Variants in GATC observed in about 807,000 individuals in gnomAD.
GATC encodes glutamyl-tRNA amidotransferase subunit C, also known as glutamyl-tRNA(Gln) amidotransferase subunit C, mitochondrial.
GATC carries 11 observed loss-of-function variants against 14.4 expected under a neutral mutation model. That is an observed-to-expected ratio of 0.77 (90% CI 0.48 to 1.27). The LOEUF is 1.27. Among genes scored for constraint, GATC ranks in the 50% most tolerant of loss-of-function variants. The pLI, the probability that GATC is intolerant of heterozygous loss-of-function variation, is 0.00. For synonymous variants in GATC, 76 were observed against 79.3 expected (o/e 0.96, Z 0.22); for missense variants, 204 against 183.0 (o/e 1.11, Z -0.66).
At chr12:120,447,050 G>A (rs1877890481) in intron 2 of GATC, among the ~76,000 whole-genome samples, 1 of 88,204 alleles carries the variant, frequency 1.1e-5, no homozygotes, top group African/African-American at 7.2e-5. Context: ...GCTAATCACT[G>A]CCTTTGTTTT....
intron 2 of GATC, among the ~76,000 whole-genome samples, chr12:120,452,512 C>CT (rs752151548): frequency 4.6e-5 from 7 of 152,208 alleles, no homozygotes; most frequent in Non-Finnish European, 8.8e-5. Flanking sequence ...GTCTCAGCCT[C>CT]TCAAGTAGCT....
chr12:120,454,857 C>CAA lies in GATC; in HGVS notation c.255-2205_255-2204dup, dbSNP rs544102647. 193 of 191,890 alleles carry CAA rather than the reference C, an allele frequency of 1.0e-3. 1 individual carries two copies. The highest frequency in any genetic ancestry group is 2.0e-3 in the African/African-American group (79 of 39,738). 11.9% of individuals were successfully genotyped at this position (191,890 alleles called of 1,614,324 possible). ...AAATGAATACAGTCCTTGTGTTATTCAAAAAAAAAAAAAAATCTAGTACAA... is the reference window on the plus strand; with the variant it reads ...AAATGAATACAGTCCTTGTGTTATTCAAAAAAAAAAAAAAAAATCTAGTACAA... On this transcript the variant is annotated intron_variant, in intron 2 of 3. Coordinates refer to ENST00000551765, the MANE Select transcript of GATC (RefSeq NM_176818.3).
chr12:120,455,233 A>G (rs1412714160), intron 2 of GATC, among the ~76,000 whole-genome samples: 12 of 150,340 alleles, frequency 8.0e-5, no homozygotes, highest in African/African-American at 3.0e-4. Flanking sequence ...CAGTGGTGCC[A>G]TCTCAGCTCA....
intron 2 of GATC, among the ~76,000 whole-genome samples, chr12:120,455,319 C>T (rs1320470178): frequency 6.6e-6 from 1 of 152,048 alleles, no homozygotes; most frequent in Non-Finnish European, 1.5e-5. Flanking sequence ...CACGTGCGTG[C>T]CACCACGCTT....
At chr12:120,453,166 C>T (rs925317929) in intron 2 of GATC, among the ~76,000 whole-genome samples, 1 of 152,146 alleles carries the variant, frequency 6.6e-6, no homozygotes, top group Admixed American at 6.5e-5. Flanking sequence ...AGTGGGAGAA[C>T]GGTCCCATCA....
intron 2 of GATC, chr12:120,450,576 C>A: frequency 6.3e-6 from 1 of 159,316 alleles, no homozygotes; most frequent in South Asian, 1.7e-4. Flanking sequence ...TATGGACATT[C>A]CTTACTACTT....
chr12:120,453,769 C>T (rs1592985162), intron 2 of GATC, among the ~76,000 whole-genome samples: 2 of 151,548 alleles, frequency 1.3e-5, no homozygotes, highest in Non-Finnish European at 2.9e-5. Context: ...ATCACTTGAG[C>T]CCAGAAGTTT....
At chr12:120,458,098 A>ATTT (rs11434555) in intron 3 of GATC, among the ~76,000 whole-genome samples, 5 of 136,730 alleles carry the variant, frequency 3.7e-5, no homozygotes, top group South Asian at 2.3e-4. Context: ...TATTTCTTAA[A>ATTT]TTTTTTTTTT....
chr12:120,455,485 C>T (rs563115261), intron 2 of GATC, among the ~76,000 whole-genome samples: 1 of 151,778 alleles, frequency 6.6e-6, no homozygotes, highest in East Asian at 1.9e-4. Context: ...CCCCACACCC[C>T]GCCGCCCCCC....
At chr12:120,450,080 A>C (rs1257604117) in intron 2 of GATC, among the ~76,000 whole-genome samples, 2 of 152,148 alleles carry the variant, frequency 1.3e-5, no homozygotes, top group African/African-American at 4.8e-5. Context: ...CTTTATTAAT[A>C]TCTCTAGGAA....
intron 2 of GATC, among the ~76,000 whole-genome samples, chr12:120,449,482 ACT>A (rs1877978218): frequency 6.7e-6 from 1 of 150,366 alleles, no homozygotes; most frequent in Non-Finnish European, 1.5e-5. Context: ...ATGGAGTCTC[ACT>A]CTGTTGCCCA....
In GATC at chr12:120,461,514, A is replaced by G. The variant is rs897377310; in HGVS notation, c.*1555A>G. 4.6e-5 allele frequency: 7 copies of G among 152,232 alleles called. No homozygotes were observed. Among genetic ancestry groups the G allele is most frequent in the South Asian group, 2.1e-4 (1 of 4,838 alleles). The allele number at this position is 152,232 out of a possible 1,614,324, so 9.4% of individuals were successfully genotyped here. ...CCGCTCTTGGAGTTTACGTTCTCAA[A>G]CCAACATCAGAGCAACTGTCTATCC... On this transcript the variant is annotated 3_prime_UTR_variant, in exon 4 of 4. Coordinates refer to ENST00000551765, the MANE Select transcript of GATC (RefSeq NM_176818.3).
rs1294183817 is a variant in GATC, at chr12:120,460,929, C to T, written c.*970C>T. ...CTGAGGCAGGAGAATGGCGTGAACC[C>T]GGGAGACGGAGCTTGCAGTAAGCCG... On this transcript the variant is annotated 3_prime_UTR_variant, in exon 4 of 4. Transcript: ENST00000551765. 6 of 150,468 alleles carry T rather than the reference C, an allele frequency of 4.0e-5. No homozygotes were observed. Among genetic ancestry groups the T allele is most frequent in the South Asian group, 2.1e-4 (1 of 4,776 alleles). The allele number at this position is 150,468 out of a possible 1,614,324, so 9.3% of individuals were successfully genotyped here.
rs1396452940 is a variant in GATC, at chr12:120,461,029, A to T, written c.*1070A>T. On this transcript the variant is annotated 3_prime_UTR_variant, in exon 4 of 4. Coordinates refer to ENST00000551765, the MANE Select transcript of GATC (RefSeq NM_176818.3). ...AAAAAAAAAAGTGATAGAATCAGAG[A>T]GTTTTTCCTCTAACCAAACTGCCAA... is the stretch of plus-strand genomic sequence containing the variant. 1 of 149,560 alleles carries T rather than the reference A, an allele frequency of 6.7e-6. No individual in the cohort carries two copies. The highest frequency in any genetic ancestry group is 1.5e-5 in the Non-Finnish European group (1 of 67,696). 9.3% of individuals were successfully genotyped at this position (149,560 alleles called of 1,614,324 possible). A position where few individuals can be genotyped will look rare whatever the true frequency, so the allele number is the denominator to read the frequency against.
Position 120,461,647 on chromosome 12 carries a change from A to G in GATC, c.*1688A>G, listed in dbSNP as rs1163665564. 6.4e-6 allele frequency: 1 copy of G among 155,854 alleles called. No individual in the cohort carries two copies. Among genetic ancestry groups the G allele is most frequent in the Admixed American group, 6.4e-5 (1 of 15,510 alleles). The allele number at this position is 155,854 out of a possible 1,614,324, so 9.7% of individuals were successfully genotyped here. On this transcript the variant is annotated 3_prime_UTR_variant, in exon 4 of 4. Transcript: ENST00000551765. ...CCTATTTGGTGAAATCTGTGAACTT[A>G]ATCAAGGACAACCACACATGTCAAT...
chr12:120,459,893 T>C lies in GATC; in HGVS notation c.359-14T>C. On this transcript the variant is annotated splice_polypyrimidine_tract_variant and intron_variant, in intron 3 of 3. Coordinates refer to ENST00000551765, the MANE Select transcript of GATC (RefSeq NM_176818.3). The stretch of plus-strand genomic sequence containing the variant: ...ACAAACAAACAAAAATTCTCTTTTG[T>C]TATTTTCAAACAGGTAATATCTCTT... The C allele has an allele frequency of 6.2e-7, 1 of 1,606,666 alleles. No individual in the cohort carries two copies. The highest frequency in any genetic ancestry group is 2.2e-5 in the East Asian group (1 of 44,782).
At chr12:120,454,097 G>A (rs1253683317) in intron 2 of GATC, among the ~76,000 whole-genome samples, 44 of 152,140 alleles carry the variant, frequency 2.9e-4, no homozygotes, top group South Asian at 2.1e-4. Flanking sequence ...GCATTTAACC[G>A]CCTATTGGCG....
At chr12:120,447,095 GA>G (rs1452198086) in intron 2 of GATC, among the ~76,000 whole-genome samples, 1 of 80,214 alleles carries the variant, frequency 1.2e-5, no homozygotes, top group Non-Finnish European at 2.6e-5. Flanking sequence ...TTTTTTTTTT[GA>G]GACGGAGTCT....
chr12:120,457,247 G>A (rs1878211048), intron 3 of GATC, 68 bp downstream of exon 3: 1 of 1,160,776 alleles, frequency 8.6e-7, no homozygotes. Flanking sequence ...CAGGAAGCAT[G>A]AGGACCAAAG....
Sources: gnomAD v4.1 joint callset for allele counts (sites outside exome capture counted in the v4.1 genomes callset) on GRCh38, gnomAD v4.1.1 for gene constraint, MANE v1.5 for transcripts, NCBI Gene and HGNC (gene_info 2026-07-23, HGNC 2026-07-21) for gene names.